The following UNC5C variants were observed in gnomAD, a reference collection of about 807,000 sequenced individuals.
UNC5C encodes the protein netrin receptor UNC5C.
Under a neutral mutation model 99.8 loss-of-function variants are expected in UNC5C, and 47 were observed. That is an observed-to-expected ratio of 0.47 (90% CI 0.37 to 0.60). The LOEUF (loss-of-function observed/expected upper bound fraction) is 0.60, where lower values mean the gene tolerates loss of function less well. Among genes scored for constraint, UNC5C ranks in the 20% least tolerant of loss-of-function variants. The pLI is 0.00. For missense variants in UNC5C, 1,062 were observed against 1,165.9 expected, an observed-to-expected ratio of 0.91 and a Z score of 1.30; for synonymous variants, 487 against 452.2, an observed-to-expected ratio of 1.08 and a Z score of -0.98.
rs569968695 is a variant in UNC5C, at chr4:95,384,296, C to T, written c.125-48665G>A. On this transcript the variant is annotated intron_variant, in intron 1 of 15. Transcript: ENST00000453304. Reference sequence around the variant, plus strand: ...ATAGCCTCTATCCTTAAAAAGCACACGGTGTCATGGAGAGAGAGGTTGAAA... The same window carrying T: ...ATAGCCTCTATCCTTAAAAAGCACATGGTGTCATGGAGAGAGAGGTTGAAA... Among the ~76,000 whole-genome samples, 11 of 152,142 alleles carry T rather than the reference C, an allele frequency of 7.2e-5. No individual in the cohort carries two copies. The South Asian group carries it at 1.7e-3, about 23-fold the overall frequency.
chr4:95,178,198 G>A (rs546347847), intron 14 of UNC5C, among the ~76,000 whole-genome samples: 23 of 152,204 alleles, frequency 1.5e-4, no homozygotes, highest in Non-Finnish European at 2.6e-4. Context: ...TAGAGTCTGA[G>A]CACCACTCAC....
At chr4:95,176,843 C>A (rs936001954) in intron 14 of UNC5C, among the ~76,000 whole-genome samples, 3 of 152,286 alleles carry the variant, frequency 2.0e-5, no homozygotes, top group East Asian at 1.9e-4. Context: ...CCCCCAGCCT[C>A]GCTGCCGCCT....
At chr4:95,283,218 C>T (rs1292866381) in intron 3 of UNC5C, among the ~76,000 whole-genome samples, 1 of 152,112 alleles carries the variant, frequency 6.6e-6, no homozygotes, top group Non-Finnish European at 1.5e-5. Context: ...TATGTAGGCC[C>T]TTATTTCCTA....
chr4:95,322,539 A>G (rs6831037), intron 2 of UNC5C, among the ~76,000 whole-genome samples: 4 of 152,202 alleles, frequency 2.6e-5, no homozygotes, highest in African/African-American at 9.7e-5. Flanking sequence ...GAGATTACAT[A>G]TATTATATAT....
chr4:95,170,153 C>T lies in UNC5C; in HGVS notation c.2630+1G>A. The stretch of plus-strand genomic sequence containing the variant: ...TAGTCTTGGGGCCAGACCATACCCA[C>T]CTGTCCAGGTTCAGCTTATGGGCCA... On this transcript the variant is annotated splice_donor_variant, in intron 15 of 15. Transcript: ENST00000453304. LOFTEE classifies it high-confidence loss of function. The T allele has an allele frequency of 6.2e-7, 1 of 1,613,792 alleles. No homozygotes were observed. Among genetic ancestry groups the T allele is most frequent in the Non-Finnish European group, 8.5e-7 (1 of 1,179,772 alleles).
At chr4:95,256,729 T>TATATATATATATATATATA (rs1553958346) in intron 4 of UNC5C, among the ~76,000 whole-genome samples, 9 of 146,138 alleles carry the variant, frequency 6.2e-5, no homozygotes, top group East Asian at 4.3e-4. Flanking sequence ...TATGAGTTTA[T>TATATATATATATATATATA]TAAGTATTAA....
intron 1 of UNC5C, among the ~76,000 whole-genome samples, chr4:95,522,072 G>A (rs1318549164): frequency 6.6e-5 from 10 of 151,794 alleles, no homozygotes; most frequent in Non-Finnish European, 1.2e-4. Flanking sequence ...ATAGTAAATC[G>A]TATTCAATTT....
intron 1 of UNC5C, among the ~76,000 whole-genome samples, chr4:95,538,390 T>C (rs1358912855): frequency 1.3e-5 from 2 of 152,184 alleles, no homozygotes; most frequent in African/African-American, 4.8e-5. Flanking sequence ...TTCCTTTCCC[T>C]AATTTAGTGA....
chr4:95,194,417 A>G (rs1163497203), intron 12 of UNC5C, among the ~76,000 whole-genome samples: 2 of 152,188 alleles, frequency 1.3e-5, no homozygotes, highest in Non-Finnish European at 2.9e-5. Flanking sequence ...ATTATCTCAC[A>G]GTTCTGGAGG....
intron 1 of UNC5C, among the ~76,000 whole-genome samples, chr4:95,491,793 G>A (rs1721499862): frequency 1.3e-5 from 2 of 151,442 alleles, no homozygotes; most frequent in Non-Finnish European, 3.0e-5. Context: ...TTTTTACTAA[G>A]GCATTCTTGA....
chr4:95,274,557 C>G (rs944035889), intron 4 of UNC5C, among the ~76,000 whole-genome samples: 1 of 151,638 alleles, frequency 6.6e-6, no homozygotes, highest in African/African-American at 2.4e-5. Context: ...ATAAGGAGTC[C>G]TCGGTTGGCC....
At chr4:95,285,187 AT>A (rs891486730) in intron 3 of UNC5C, among the ~76,000 whole-genome samples, 26 of 152,176 alleles carry the variant, frequency 1.7e-4, no homozygotes, top group Admixed American at 2.6e-4. Flanking sequence ...AGAATAAAAT[AT>A]TTTTTTCTAT....
intron 7 of UNC5C, among the ~76,000 whole-genome samples, chr4:95,231,910 G>C (rs1413300190): frequency 6.6e-6 from 1 of 152,134 alleles, no homozygotes; most frequent in African/African-American, 2.4e-5. Context: ...AAGAACATTT[G>C]CTTATCACTG....
chr4:95,447,353 A>G (rs1036441826), intron 1 of UNC5C, among the ~76,000 whole-genome samples: 4 of 152,190 alleles, frequency 2.6e-5, no homozygotes, highest in Non-Finnish European at 5.9e-5. Flanking sequence ...ACATGTTTTA[A>G]GCTTCAAAAC....
At chr4:95,394,494 A>T (rs1294659175) in intron 1 of UNC5C, among the ~76,000 whole-genome samples, 1 of 152,234 alleles carries the variant, frequency 6.6e-6, no homozygotes, top group Non-Finnish European at 1.5e-5. Flanking sequence ...AATATAAAGG[A>T]GTACTTTTAC....
intron 1 of UNC5C, among the ~76,000 whole-genome samples, chr4:95,448,306 A>T (rs1440505972): frequency 3.3e-5 from 5 of 151,160 alleles, no homozygotes; most frequent in Admixed American, 3.3e-4. Context: ...AAGAACAATG[A>T]AGCATGGTTG....
At chr4:95,170,087 C>G in intron 15 of UNC5C, 67 bp downstream of exon 15, 1 of 1,554,748 alleles carries the variant, frequency 6.4e-7, no homozygotes, top group South Asian at 1.2e-5. Context: ...AACCCTACGT[C>G]TAATAGTTAT....
intron 3 of UNC5C, among the ~76,000 whole-genome samples, chr4:95,296,870 A>G (rs902300613): frequency 3.3e-5 from 5 of 152,206 alleles, no homozygotes; most frequent in African/African-American, 4.8e-5. Flanking sequence ...TAAAAAATCA[A>G]TTCTTCAGAA....
At chr4:95,205,139 A>G (rs1737827396) in intron 11 of UNC5C, among the ~76,000 whole-genome samples, 1 of 152,186 alleles carries the variant, frequency 6.6e-6, no homozygotes, top group Non-Finnish European at 1.5e-5. Flanking sequence ...CCAGTCACTC[A>G]CAAGTACAAG....
Sources: allele counts gnomAD v4.1 joint callset (sites outside exome capture counted in the v4.1 genomes callset), GRCh38; gene constraint gnomAD v4.1.1; transcripts MANE v1.5; gene names NCBI Gene and HGNC (gene_info 2026-07-23, HGNC 2026-07-21).